The following PPP6R3 variants were observed in gnomAD, a reference collection of about 807,000 sequenced individuals.
PPP6R3 encodes protein phosphatase 6 regulatory subunit 3.
In PPP6R3, 38 loss-of-function variants were observed where a neutral mutation model predicts 110.7. That is an observed-to-expected ratio of 0.34 (90% CI 0.26 to 0.45). The LOEUF is 0.45. PPP6R3 is among the 20% of genes least tolerant of loss of function. PPP6R3 has a pLI of 1.00. For missense variants in PPP6R3, 870 were observed against 1,062.4 expected, an observed-to-expected ratio of 0.82 and a Z score of 2.52; for synonymous variants, 369 against 373.5, an observed-to-expected ratio of 0.99 and a Z score of 0.14.
At chr11:68,519,693 A>T in intron 2 of PPP6R3, 42 bp downstream of exon 2, 1 of 398,274 alleles carries the variant, frequency 2.5e-6, no homozygotes, top group Admixed American at 4.4e-5. Flanking sequence ...TCCATTAATG[A>T]CATCAAGGAA....
intron 6 of PPP6R3, among the ~76,000 whole-genome samples, chr11:68,553,858 G>A (rs1012009839): frequency 1.3e-5 from 2 of 152,112 alleles, no homozygotes; most frequent in African/African-American, 4.8e-5. Flanking sequence ...GATTTGGGAT[G>A]CTCAATCTGT....
chr11:68,569,738 T>A lies in PPP6R3; in HGVS notation c.1129-10T>A. ...GTAACCGAATAAAACATGGTTTTTCTTTTTTGTAGAACATGTTCTTCAAGT... is the reference window on the plus strand; with the variant it reads ...GTAACCGAATAAAACATGGTTTTTCATTTTTGTAGAACATGTTCTTCAAGT... On this transcript the variant is annotated splice_polypyrimidine_tract_variant and intron_variant, in intron 10 of 23. Coordinates refer to ENST00000393800, the MANE Select transcript of PPP6R3 (RefSeq NM_001164161.2). The A allele has an allele frequency of 6.4e-7, 1 of 1,565,642 alleles. No individual in the cohort carries two copies. The highest frequency in any genetic ancestry group is 8.7e-7 in the Non-Finnish European group (1 of 1,148,962).
chr11:68,537,950 A>G, intron 3 of PPP6R3, 59 bp downstream of exon 3: 1 of 1,257,798 alleles, frequency 8.0e-7, no homozygotes. Flanking sequence ...GGTAGAATAT[A>G]CAGCTCTTGT....
chr11:68,461,840 T>A (rs2098710149), intron 1 of PPP6R3, among the ~76,000 whole-genome samples: 1 of 152,184 alleles, frequency 6.6e-6, no homozygotes, highest in African/African-American at 2.4e-5. Flanking sequence ...ACTTTGATTT[T>A]GTCCTCAAGG....
At chr11:68,556,834 T>C (rs1318078844) in intron 7 of PPP6R3, among the ~76,000 whole-genome samples, 1 of 152,246 alleles carries the variant, frequency 6.6e-6, no homozygotes, top group Non-Finnish European at 1.5e-5. Context: ...ACTCAGAAGA[T>C]GGCGTAGCTA....
chr11:68,573,133 TA>T, intron 12 of PPP6R3, among the ~76,000 whole-genome samples: 1 of 106,402 alleles, frequency 9.4e-6, no homozygotes, highest in East Asian at 3.3e-4. Flanking sequence ...TATATATATA[TA>T]TATATATATA....
chr11:68,499,722 G>A (rs1263637962), intron 1 of PPP6R3, among the ~76,000 whole-genome samples: 1 of 151,898 alleles, frequency 6.6e-6, no homozygotes, highest in Non-Finnish European at 1.5e-5. Context: ...ACAGTTGCGC[G>A]CACCACCACA....
At chr11:68,545,157 T>C in intron 4 of PPP6R3, 133 bp downstream of exon 4, 1 of 568,094 alleles carries the variant, frequency 1.8e-6, no homozygotes, top group Non-Finnish European at 2.9e-6. Flanking sequence ...TTTTAAACCT[T>C]AAACATTCTA....
Position 68,564,418 on chromosome 11 carries a change from C to G in PPP6R3, c.961C>G (p.Leu321Val), listed in dbSNP as rs1438996203. Residue 321 changes from leucine to valine, a missense_variant, in exon 9 of 24, where the codon CTG becomes GTG. Transcript: ENST00000393800. Reference sequence around the variant, plus strand: ...ACTTGGATCTTTTCATGAACTCCTGCTGGAGCCACCCAAGGTAGGGGAGCT... The same window carrying G: ...ACTTGGATCTTTTCATGAACTCCTGGTGGAGCCACCCAAGGTAGGGGAGCT... ...GRLGSFHELLLEPPKKSVMKT... is the reference protein window; with the variant it reads ...GRLGSFHELLVEPPKKSVMKT... 2.5e-6 allele frequency: 4 copies of G among 1,613,894 alleles called. No homozygotes were observed. The highest frequency in any genetic ancestry group is 3.4e-6 in the Non-Finnish European group (4 of 1,179,934).
chr11:68,612,192 A>G (rs1943814715), intron 23 of PPP6R3, among the ~76,000 whole-genome samples: 1 of 152,180 alleles, frequency 6.6e-6, no homozygotes, highest in Non-Finnish European at 1.5e-5. Flanking sequence ...CTAGTTCCAG[A>G]AGTCTCGATT....
intron 2 of PPP6R3, among the ~76,000 whole-genome samples, chr11:68,523,298 C>G (rs2099173557): frequency 6.6e-6 from 1 of 152,210 alleles, no homozygotes; most frequent in Non-Finnish European, 1.5e-5. Flanking sequence ...TTGACCTTCT[C>G]CGTAACTGCT....
At chr11:68,592,254 T>C (rs2099597742) in intron 18 of PPP6R3, among the ~76,000 whole-genome samples, 2 of 152,164 alleles carry the variant, frequency 1.3e-5, no homozygotes, top group South Asian at 4.1e-4. Flanking sequence ...AGAATCTTCA[T>C]ATTTAAGAGA....
At chr11:68,473,439 C>G (rs879745368) in intron 1 of PPP6R3, among the ~76,000 whole-genome samples, 34 of 152,318 alleles carry the variant, frequency 2.2e-4, no homozygotes, top group South Asian at 4.1e-4. Context: ...CATCTGTATC[C>G]TTTGTAATAT....
intron 9 of PPP6R3, among the ~76,000 whole-genome samples, chr11:68,565,282 T>C (rs990059232): frequency 2.0e-5 from 3 of 152,040 alleles, no homozygotes; most frequent in African/African-American, 7.2e-5. Context: ...CTCCAGATCA[T>C]CTTTTCAGAT....
chr11:68,584,538 G>A (rs1247352398), intron 15 of PPP6R3, among the ~76,000 whole-genome samples: 1 of 152,176 alleles, frequency 6.6e-6, no homozygotes, highest in Non-Finnish European at 1.5e-5. Flanking sequence ...CACCTTACTA[G>A]TAATAATGAT....
intron 1 of PPP6R3, among the ~76,000 whole-genome samples, chr11:68,475,730 C>T (rs1386752446): frequency 6.6e-6 from 1 of 151,862 alleles, no homozygotes; most frequent in African/African-American, 2.4e-5. Context: ...GGAGACGCTC[C>T]TCACTTCTCA....
intron 1 of PPP6R3, among the ~76,000 whole-genome samples, chr11:68,472,983 C>G (rs1316041379): frequency 6.6e-6 from 1 of 152,182 alleles, no homozygotes; most frequent in Non-Finnish European, 1.5e-5. Context: ...TTTTATTTAT[C>G]CATTCATCAG....
chr11:68,593,378 C>T (rs1009653601), intron 18 of PPP6R3, among the ~76,000 whole-genome samples: 1 of 151,910 alleles, frequency 6.6e-6, no homozygotes, highest in Non-Finnish European at 1.5e-5. Flanking sequence ...TGGGGTTGGG[C>T]AGGGGCTGGG....
intron 1 of PPP6R3, among the ~76,000 whole-genome samples, chr11:68,498,626 C>G (rs1330623685): frequency 1.3e-5 from 2 of 152,132 alleles, no homozygotes; most frequent in Non-Finnish European, 2.9e-5. Flanking sequence ...GTGTCTTTCT[C>G]TTGGCATTGT....
Sources: gnomAD v4.1 joint callset for allele counts (sites outside exome capture counted in the v4.1 genomes callset) on GRCh38, gnomAD v4.1.1 for gene constraint, MANE v1.5 for transcripts, NCBI Gene and HGNC (gene_info 2026-07-23, HGNC 2026-07-21) for gene names.